SLC4A3: variants seen among roughly 807,000 people sequenced by gnomAD.
SLC4A3 encodes the protein solute carrier family 4 member 3.
Under a neutral mutation model 114.2 loss-of-function variants are expected in SLC4A3, and 47 were observed. That is an observed-to-expected ratio of 0.41 (90% CI 0.33 to 0.52). The LOEUF is 0.52. Among genes scored for constraint, SLC4A3 ranks in the 20% least tolerant of loss-of-function variants. The pLI is 0.21. For missense variants in SLC4A3, 1,312 were observed against 1,668.3 expected (o/e 0.79, Z 3.72); for synonymous variants, 693 against 710.3 (o/e 0.98, Z 0.39).
At position 219,638,125 on chromosome 2, in the gene SLC4A3, T is replaced by C; in HGVS notation, c.2767-39T>C. 1.3e-6 allele frequency: 2 copies of C among 1,528,230 alleles called. No homozygotes were observed. Among genetic ancestry groups the C allele is most frequent in the Non-Finnish European group, 1.8e-6 (2 of 1,111,920 alleles). 94.7% of individuals were successfully genotyped at this position (1,528,230 alleles called of 1,614,324 possible). A position where few individuals can be genotyped will look rare whatever the true frequency, so the allele number is the denominator to read the frequency against. On this transcript the variant is annotated intron_variant, in intron 17 of 22. Coordinates refer to ENST00000358055, the MANE Select transcript of SLC4A3 (RefSeq NM_005070.4). This position sits in a 1 kb window ranked among gnomAD's most constrained non-coding sequence, Gnocchi z 7.5. ...CCCGTGTTAGTCTGCTGACCTTGCC[T>C]CCACCTTTTGCTCCCTTCCCCAACT...
chr2:219,635,017 C>T (rs543885040), intron 12 of SLC4A3, among the ~76,000 whole-genome samples: 1 of 152,156 alleles, frequency 6.6e-6, no homozygotes, highest in Non-Finnish European at 1.5e-5. Flanking sequence ...AGGTGTTATC[C>T]CTTTAGTTGC....
Position 219,635,737 on chromosome 2 carries a change from C to T in SLC4A3, c.2037C>T (p.Gly679=). ...TPEDDPLLRT[G]SVFGGLVRDV... is the part of the protein sequence containing the mutation. ...AAGATGACCCCTTGCTGCGGACGGG[C>T]TCGGTATTTGGGGGGCTTGTGCGGG... Residue 679 remains glycine (G), a synonymous_variant, in exon 14 of 23, where the codon GGC becomes GGT. Transcript: ENST00000358055. The T allele has an allele frequency of 6.3e-7, 1 of 1,596,266 alleles. No homozygotes were observed. Among genetic ancestry groups the T allele is most frequent in the East Asian group, 2.2e-5 (1 of 44,602 alleles).
In SLC4A3 at chr2:219,628,749, G is replaced by A; in HGVS notation, c.217+179G>A. 1 of 710,718 alleles carries A rather than the reference G, an allele frequency of 1.4e-6. No individual in the cohort carries two copies. Among genetic ancestry groups the A allele is most frequent in the Non-Finnish European group, 2.3e-6 (1 of 438,770 alleles). The allele number at this position is 710,718 out of a possible 1,614,324, so 44.0% of individuals were successfully genotyped here. On this transcript the variant is annotated intron_variant, in intron 3 of 22. Transcript: ENST00000358055. This position sits in a 1 kb window ranked among gnomAD's most constrained non-coding sequence, Gnocchi z 4.8. ...ATCCTGCCTCCCCCACCCATCGCCT[G>A]TCCGCCTGCCTGGGGAGGTGGGCCC...
rs1297232306 is a variant in SLC4A3, at chr2:219,641,036, C to A, written c.3621+74C>A. 2.6e-5 allele frequency: 37 copies of A among 1,406,610 alleles called. No individual in the cohort carries two copies. Among genetic ancestry groups the A allele is most frequent in the Non-Finnish European group, 3.6e-5 (37 of 1,030,682 alleles). 87.1% of individuals were successfully genotyped at this position (1,406,610 alleles called of 1,614,324 possible). ...GGGTTCCAATCTCTGTTTGGCCACC[C>A]ACTAGTTGTGTTAGTTGTGAAACTT... On this transcript the variant is annotated intron_variant, in intron 22 of 22. Coordinates refer to ENST00000358055, the MANE Select transcript of SLC4A3 (RefSeq NM_005070.4). The surrounding 1 kb of genome is among the most constrained non-coding windows in gnomAD (Gnocchi z 4.0).
At chr2:219,640,253 T>G (rs1699278858) in intron 20 of SLC4A3, among the ~76,000 whole-genome samples, 177 bp from the exon 21 acceptor site, 1 of 118,160 alleles carries the variant, frequency 8.5e-6, no homozygotes, top group Non-Finnish European at 1.7e-5. Context: ...CCTTCTCTTG[T>G]TCAGGGTGAT....
rs528550365 is a variant in SLC4A3, at chr2:219,631,919, G to A, written c.812-49G>A. On this transcript the variant is annotated intron_variant, in intron 6 of 22. Transcript: ENST00000358055. The surrounding 1 kb of genome is among the most constrained non-coding windows in gnomAD (Gnocchi z 6.3). ...GCAGAAGGAGCTGGGCCGTGACCCC[G>A]AGGGCCCCAGCTGGACCTGTGGGAC... is the stretch of plus-strand genomic sequence containing the variant. 1.3e-5 allele frequency: 20 copies of A among 1,534,670 alleles called. No homozygotes were observed. Among genetic ancestry groups the A allele is most frequent in the African/African-American group, 5.5e-5 (4 of 72,076 alleles).
chr2:219,639,415 C>T lies in SLC4A3; in HGVS notation c.3024-67C>T, dbSNP rs1030151756. 2.2e-5 allele frequency: 35 copies of T among 1,558,582 alleles called. No homozygotes were observed. The highest frequency in any genetic ancestry group is 2.8e-5 in the Non-Finnish European group (32 of 1,147,614). ...CCCCCCACCATCTCGTCTCTGTGTG[C>T]GTGCCTGTCTTTGTCCCCTGCCCCT... On this transcript the variant is annotated intron_variant, in intron 19 of 22. Coordinates refer to ENST00000358055, the MANE Select transcript of SLC4A3 (RefSeq NM_005070.4). This position sits in a 1 kb window ranked among gnomAD's most constrained non-coding sequence, Gnocchi z 5.9.
chr2:219,634,613 C>T lies in SLC4A3; in HGVS notation c.1746+9C>T, dbSNP rs200930654. 44 of 1,612,916 alleles carry T rather than the reference C, an allele frequency of 2.7e-5. No homozygotes were observed. Among genetic ancestry groups the T allele is most frequent in the South Asian group, 1.9e-4 (17 of 90,958 alleles). ...CCCTTATGTCTGACAAGGTTGGGCGCGTGCTGGCTCTCAAGGCCTCTTCTC... is the reference window on the plus strand; with the variant it reads ...CCCTTATGTCTGACAAGGTTGGGCGTGTGCTGGCTCTCAAGGCCTCTTCTC... On this transcript the variant is annotated intron_variant, in intron 12 of 22. Coordinates refer to ENST00000358055, the MANE Select transcript of SLC4A3 (RefSeq NM_005070.4).
rs764200110 is a variant in SLC4A3, at chr2:219,628,588, C to T, written c.217+18C>T. ...CTTTGAGTGTGGGTAGCCTGGGGAC[C>T]CCTAGTGCGGCCGCCCTCGCCACCA... On this transcript the variant is annotated intron_variant, in intron 3 of 22. Coordinates refer to ENST00000358055, the MANE Select transcript of SLC4A3 (RefSeq NM_005070.4). This position sits in a 1 kb window ranked among gnomAD's most constrained non-coding sequence, Gnocchi z 4.8. The T allele has an allele frequency of 2.5e-6, 4 of 1,609,542 alleles. No homozygotes were observed. Among genetic ancestry groups the T allele is most frequent in the African/African-American group, 2.7e-5 (2 of 74,536 alleles).
chr2:219,632,273 G>C lies in SLC4A3; in HGVS notation c.972G>C (p.Glu324Asp). The C allele has an allele frequency of 1.2e-6, 2 of 1,614,002 alleles. No homozygotes were observed. The highest frequency in any genetic ancestry group is 1.7e-6 in the Non-Finnish European group (2 of 1,180,012). ...GGCACGCCCCCCAGGTGTTCGTGGA[G>C]CTGAACGAGCTGATGCTGGACCGCA... Reference protein sequence around the residue: ...LDRRPHEVFVELNELMLDRSQ... With the variant: ...LDRRPHEVFVDLNELMLDRSQ... The change falls in exon 8 of 23, where the codon GAG (glutamate) becomes GAC (aspartate). Residue 324 changes from glutamate to aspartate, a missense_variant. Glu to Asp is a conservative substitution (Grantham distance 45, BLOSUM62 2). Coordinates refer to ENST00000358055, the MANE Select transcript of SLC4A3 (RefSeq NM_005070.4).
At position 219,628,022 on chromosome 2, in the gene SLC4A3, G is replaced by C. The variant is rs1299404453; in HGVS notation, c.30G>C (p.Gly10=). ...CCAACGGAGTGATCCCGCCGCCCGGGGGCGCCTCCCCCCTACCCCAGGTGA... is the reference window on the plus strand; with the variant it reads ...CCAACGGAGTGATCCCGCCGCCCGGCGGCGCCTCCCCCCTACCCCAGGTGA... MANGVIPPP[G]GASPLPQVRV... The change falls in exon 2 of 23, where the codon GGG becomes GGC. Residue 10 remains glycine (G), a synonymous_variant. Transcript: ENST00000358055. This position sits in a 1 kb window ranked among gnomAD's most constrained non-coding sequence, Gnocchi z 4.8. 10 of 1,587,940 alleles carry C rather than the reference G, an allele frequency of 6.3e-6. No individual in the cohort carries two copies. The highest frequency in any genetic ancestry group is 7.7e-6 in the Non-Finnish European group (9 of 1,169,518).
In SLC4A3 at chr2:219,641,871, G is replaced by GC. The variant is rs1235755553; in HGVS notation, c.*149dup. Reference sequence around the variant, plus strand: ...CACTCCTGATGCCATGGCTAGAGTGGCCCCCCTGACTTCTGCCCGGGGTGT... The same window carrying GC: ...CACTCCTGATGCCATGGCTAGAGTGGCCCCCCCTGACTTCTGCCCGGGGTGT... On this transcript the variant is annotated 3_prime_UTR_variant, in exon 23 of 23. Transcript: ENST00000358055. The surrounding 1 kb of genome is among the most constrained non-coding windows in gnomAD (Gnocchi z 4.0). 26 of 657,548 alleles carry GC rather than the reference G, an allele frequency of 4.0e-5. No individual in the cohort carries two copies. Among genetic ancestry groups the GC allele is most frequent in the Non-Finnish European group, 6.1e-5 (23 of 375,912 alleles). 40.7% of individuals were successfully genotyped at this position (657,548 alleles called of 1,614,324 possible).
rs377505096 is a variant in SLC4A3 at position 219,632,134 on chromosome 2, G to C, written c.960+18G>C. On this transcript the variant is annotated intron_variant, in intron 7 of 22. Coordinates refer to ENST00000358055, the MANE Select transcript of SLC4A3 (RefSeq NM_005070.4). ...CTCATGAGGTCAGGATGCTGACTGG[G>C]TGGGCCTGTGGCTTCCTCATGCCCC... 42 of 1,610,772 alleles carry C rather than the reference G, an allele frequency of 2.6e-5. No homozygotes were observed. The highest frequency in any genetic ancestry group is 6.8e-6 in the Non-Finnish European group (8 of 1,178,612).
At chr2:219,629,462 G>A (rs1433442620) in intron 4 of SLC4A3, 41 bp downstream of exon 4, 1 of 1,604,486 alleles carries the variant, frequency 6.2e-7, no homozygotes, top group Non-Finnish European at 8.5e-7. Context: ...TCAGGGGTCA[G>A]GGAGGGGTAC....
Position 219,636,180 on chromosome 2 carries a change from C to T in SLC4A3, c.2192-122C>T. On this transcript the variant is annotated intron_variant, in intron 14 of 22. Transcript: ENST00000358055. This position sits in a 1 kb window ranked among gnomAD's most constrained non-coding sequence, Gnocchi z 5.5. ...GGAGCAATGGGGTATGGAAGGGGCC[C>T]TGTGTGTCACTCTAAGGGGCTGCTC... is the stretch of plus-strand genomic sequence containing the variant. 1 of 1,128,354 alleles carries T rather than the reference C, an allele frequency of 8.9e-7. No homozygotes were observed. The highest frequency in any genetic ancestry group is 1.3e-6 in the Non-Finnish European group (1 of 773,438). The allele number at this position is 1,128,354 out of a possible 1,614,324, so 69.9% of individuals were successfully genotyped here. A position where few individuals can be genotyped will look rare whatever the true frequency, so the allele number is the denominator to read the frequency against.
Position 219,636,353 on chromosome 2 carries a change from C to T in SLC4A3, c.2243C>T (p.Ala748Val). The T allele has an allele frequency of 6.2e-7, 1 of 1,613,860 alleles. No individual in the cohort carries two copies. Among genetic ancestry groups the T allele is most frequent in the Non-Finnish European group, 8.5e-7 (1 of 1,179,926 alleles). ...MGVSELIVST[A>V]VLGVLFSLLG... ...GTGTCCGAGCTGATCGTGTCCACCG[C>T]TGTGCTCGGCGTCCTCTTCTCTCTG... is the stretch of plus-strand genomic sequence containing the variant. Residue 748 changes from alanine to valine, a missense_variant, in exon 15 of 23, where the codon GCT (alanine) becomes GTT (valine). Ala to Val is a moderately conservative substitution (Grantham distance 64, BLOSUM62 0). Transcript: ENST00000358055. The surrounding 1 kb of genome is among the most constrained non-coding windows in gnomAD (Gnocchi z 5.5).
rs1698832692 is a variant in SLC4A3 at position 219,629,291 on chromosome 2, G to A, written c.365G>A (p.Gly122Glu). 1 of 1,613,808 alleles carries A rather than the reference G, an allele frequency of 6.2e-7. No individual in the cohort carries two copies. The highest frequency in any genetic ancestry group is 1.3e-5 in the African/African-American group (1 of 74,932). The change falls in exon 4 of 23, where the codon GGG becomes GAG. Residue 122 changes from glycine (G) to glutamate (E), a missense_variant. Physicochemically the swap from Gly to Glu is moderately conservative, Grantham distance 98 (BLOSUM62 -2). Coordinates refer to ENST00000358055, the MANE Select transcript of SLC4A3 (RefSeq NM_005070.4). ...KEKTSAPPSEGTPPIQEEGGA... is the reference protein window; with the variant it reads ...KEKTSAPPSEETPPIQEEGGA... ...AAAACCTCTGCTCCTCCCTCCGAGG[G>A]GACCCCTCCCATCCAGGAGGAGGGG...
At position 219,630,161 on chromosome 2, in the gene SLC4A3, G is replaced by A. The variant is rs141292685; in HGVS notation, c.620G>A (p.Ser207Asn). Residue 207 changes from serine (S) to asparagine (N), a missense_variant, in exon 6 of 23, where the codon AGC (serine) becomes AAC (asparagine). Ser to Asn is a conservative substitution (Grantham distance 46). Around this residue, in one of 4 missense-constraint regions of SLC4A3, gnomAD observed 771 missense variants for 977.7 expected, o/e 0.79. Transcript: ENST00000358055. This position sits in a 1 kb window ranked among gnomAD's most constrained non-coding sequence, Gnocchi z 6.9. ...CTGTGTTGCCTCCCCAGCTCCCCCA[G>A]CCCCCGGGCCCGGGCCTCCCGACTC... ...KSPQHSSSSP[S>N]PRARASRLAG... The A allele has an allele frequency of 2.5e-6, 4 of 1,607,404 alleles. No homozygotes were observed. The highest frequency in any genetic ancestry group is 3.4e-6 in the Non-Finnish European group (4 of 1,175,014).
Position 219,631,164 on chromosome 2 carries a change from G to C in SLC4A3, c.812-804G>C, listed in dbSNP as rs529889123. On this transcript the variant is annotated intron_variant, in intron 6 of 22. Coordinates refer to ENST00000358055, the MANE Select transcript of SLC4A3 (RefSeq NM_005070.4). The surrounding 1 kb of genome is among the most constrained non-coding windows in gnomAD (Gnocchi z 6.3). ...GCTCTGGTTGGACAGAAGCCACCCCGTCCAGGCTCCCACCTTGTAGGAGAG... is the reference window on the plus strand; with the variant it reads ...GCTCTGGTTGGACAGAAGCCACCCCCTCCAGGCTCCCACCTTGTAGGAGAG... The C allele has an allele frequency of 2.5e-6, 3 of 1,184,618 alleles. No homozygotes were observed. Among genetic ancestry groups the C allele is most frequent in the Non-Finnish European group, 3.2e-6 (3 of 929,934 alleles). 73.4% of individuals were successfully genotyped at this position (1,184,618 alleles called of 1,614,324 possible). A position where few individuals can be genotyped will look rare whatever the true frequency, so the allele number is the denominator to read the frequency against.
Sources: allele counts gnomAD v4.1 joint callset (sites outside exome capture counted in the v4.1 genomes callset), GRCh38; gene constraint gnomAD v4.1.1; regional missense constraint gnomAD v4.1.1; non-coding constraint Gnocchi (gnomAD v3.1); transcripts MANE v1.5; gene names NCBI Gene and HGNC (gene_info 2026-07-23, HGNC 2026-07-21).